Variants in TPST2 observed in about 807,000 individuals in gnomAD.
The protein encoded by TPST2 is protein-tyrosine sulfotransferase 2.
In TPST2, 16 loss-of-function variants were observed where a neutral mutation model predicts 27.8. That is an observed-to-expected ratio of 0.58 (90% CI 0.39 to 0.88). The LOEUF is 0.88. Among genes scored for constraint, TPST2 ranks in the 40% least tolerant of loss-of-function variants. TPST2 has a pLI of 0.00. For synonymous variants in TPST2, 229 were observed against 231.7 expected, an observed-to-expected ratio of 0.99 and a Z score of 0.10; for missense variants, 464 against 543.1, an observed-to-expected ratio of 0.85 and a Z score of 1.45.
At position 26,541,331 on chromosome 22, in the gene TPST2, G is replaced by C; in HGVS notation, c.300C>G (p.Thr100=). The C allele has an allele frequency of 6.5e-7, 1 of 1,548,066 alleles. No individual in the cohort carries two copies. Among genetic ancestry groups the C allele is most frequent in the African/African-American group, 1.4e-5 (1 of 73,532 alleles). The part of the protein sequence containing the change: ...AHPEVRCGEE[T]RIIPRVLAMR... ...TGGCCAGCACGCGCGGGATGATGCG[G>C]GTCTCCTCGCCGCAGCGCACCTCGG... Residue 100 remains threonine (T), a synonymous_variant, in exon 3 of 7, where the codon ACC becomes ACG. Coordinates refer to ENST00000338754, the MANE Select transcript of TPST2 (RefSeq NM_003595.5). The surrounding 1 kb of genome is among the most constrained non-coding windows in gnomAD (Gnocchi z 5.9).
At chr22:26,558,378 T>C (rs554055182) in intron 1 of TPST2, among the ~76,000 whole-genome samples, 1 of 152,192 alleles carries the variant, frequency 6.6e-6, no homozygotes, top group East Asian at 1.9e-4. Flanking sequence ...TGACCTTAAG[T>C]GATCTGCCTG....
At chr22:26,533,332 A>G (rs1925270641) in intron 4 of TPST2, among the ~76,000 whole-genome samples, 1 of 152,018 alleles carries the variant, frequency 6.6e-6, no homozygotes, top group Non-Finnish European at 1.5e-5. Context: ...CAGCTGGAGG[A>G]TTGGTTGAGC....
In TPST2 at chr22:26,541,683, A is replaced by G; in HGVS notation, c.-53T>C. 1 of 1,501,738 alleles carries G rather than the reference A, an allele frequency of 6.7e-7. No individual in the cohort carries two copies. Among genetic ancestry groups the G allele is most frequent in the Non-Finnish European group, 8.8e-7 (1 of 1,132,232 alleles). The allele number at this position is 1,501,738 out of a possible 1,614,324, so 93.0% of individuals were successfully genotyped here. On this transcript the variant is annotated 5_prime_UTR_variant, in exon 3 of 7. An upstream open reading frame in the 5' UTR loses its in-frame stop. Transcript: ENST00000338754. This position sits in a 1 kb window ranked among gnomAD's most constrained non-coding sequence, Gnocchi z 5.9. ...CCTGAGGGCCCGCTTCTGGGGCTTC[A>G]GCGACAGGTTAGCGGGCAGCCCGCC...
intron 5 of TPST2, among the ~76,000 whole-genome samples, chr22:26,528,618 T>A (rs1023491124): frequency 6.6e-6 from 1 of 152,162 alleles, no homozygotes; most frequent in African/African-American, 2.4e-5. Context: ...TGTGGTATAA[T>A]AATAAATATT....
rs371951986 is a variant in TPST2, at chr22:26,570,347, C to T, written c.-161+19706G>A. Among the ~76,000 whole-genome samples, 86 of 152,262 alleles carry T rather than the reference C, an allele frequency of 5.6e-4. No individual in the cohort carries two copies. In the South Asian group the frequency reaches 0.018, roughly 32 times the overall value. On this transcript the variant is annotated intron_variant, in intron 1 of 6. Transcript: ENST00000338754. ...TGATCATGCCACCCACACCCCGGCT[C>T]CTGGCATGGACACCTCCCAGACCCA...
At chr22:26,554,461 T>A (rs1926671871) in intron 1 of TPST2, among the ~76,000 whole-genome samples, 1 of 152,000 alleles carries the variant, frequency 6.6e-6, no homozygotes, top group Admixed American at 6.6e-5. Context: ...TGGGATCCCG[T>A]CTCTACTCCT....
At chr22:26,575,945 G>A (rs1018217026) in intron 1 of TPST2, among the ~76,000 whole-genome samples, 2 of 152,002 alleles carry the variant, frequency 1.3e-5, no homozygotes, top group East Asian at 1.9e-4. Flanking sequence ...GCAGTGAGCC[G>A]AGATCGTGCC....
intron 1 of TPST2, among the ~76,000 whole-genome samples, chr22:26,566,844 C>T (rs568556149): frequency 6.6e-6 from 1 of 152,322 alleles, no homozygotes; most frequent in South Asian, 2.1e-4. Flanking sequence ...TTCCCCCGCT[C>T]ATATCGTATT....
Position 26,535,339 on chromosome 22 carries a change from G to C in TPST2, c.1041+949C>G, listed in dbSNP as rs4149477. On this transcript the variant is annotated intron_variant, in intron 4 of 6. Coordinates refer to ENST00000338754, the MANE Select transcript of TPST2 (RefSeq NM_003595.5). ...CTGTGAAAGCTCTTCCTCAGGCCTG[G>C]GTCCCATTTTCAAATATTTGCCTAT... 0.013 allele frequency among the ~76,000 whole-genome samples: 2,016 copies of C among 152,246 alleles called. 105 individuals are homozygous for C. The East Asian group carries it at 0.15, about 12-fold the overall frequency.
rs773308366 is a variant in TPST2, at chr22:26,541,626, C to T, written c.5G>A (p.Arg2His). ...CAGCAGCACCCTCCGCACCGACAGG[C>T]GCATGCTGGGCCGGAGGCAGGGTAG... M[R>H]LSVRRVLLAA... The change falls in exon 3 of 7, where the codon CGC becomes CAC. Residue 2 changes from arginine (R) to histidine (H), a missense_variant. Transcript: ENST00000338754. The surrounding 1 kb of genome is among the most constrained non-coding windows in gnomAD (Gnocchi z 5.9). 25 of 1,572,322 alleles carry T rather than the reference C, an allele frequency of 1.6e-5. No individual in the cohort carries two copies. Among genetic ancestry groups the T allele is most frequent in the Non-Finnish European group, 1.8e-5 (21 of 1,164,706 alleles).
At chr22:26,567,606 C>T (rs545829865) in intron 1 of TPST2, among the ~76,000 whole-genome samples, 2 of 152,250 alleles carry the variant, frequency 1.3e-5, no homozygotes, top group South Asian at 2.1e-4. Context: ...TTAAAATTCC[C>T]GGTTCCTCCT....
rs1470803383 is a variant in TPST2 at position 26,541,177 on chromosome 22, C to A, written c.454G>T (p.Ala152Ser). ...GGGTCCTTGTTGCAGAGCACGCGGGCCGGCTCTCCGTGCTTGGCAATCACC... is the reference window on the plus strand; with the variant it reads ...GGGTCCTTGTTGCAGAGCACGCGGGACGGCTCTCCGTGCTTGGCAATCACC... The part of the protein sequence containing the change: ...LEVIAKHGEP[A>S]RVLCNKDPFT... The change falls in exon 3 of 7, where the codon GCC (alanine) becomes TCC (serine). Residue 152 changes from alanine to serine, a missense_variant. Coordinates refer to ENST00000338754, the MANE Select transcript of TPST2 (RefSeq NM_003595.5). This position sits in a 1 kb window ranked among gnomAD's most constrained non-coding sequence, Gnocchi z 5.9. 3.8e-6 allele frequency: 6 copies of A among 1,597,382 alleles called. No homozygotes were observed. Among genetic ancestry groups the A allele is most frequent in the Admixed American group, 1.7e-5 (1 of 59,160 alleles).
intron 1 of TPST2, among the ~76,000 whole-genome samples, chr22:26,554,973 AG>A (rs1016010548): frequency 3.2e-4 from 48 of 152,138 alleles, no homozygotes; most frequent in African/African-American, 1.1e-3. Flanking sequence ...CTCAGAACAG[AG>A]CTTTGTTACT....
intron 1 of TPST2, among the ~76,000 whole-genome samples, chr22:26,570,025 A>AAGACAGACAGAC (rs1569193887): frequency 1.6e-5 from 2 of 125,900 alleles, no homozygotes; most frequent in African/African-American, 6.8e-5. Context: ...GAAAGAAAGA[A>AAGACAGACAGAC]AGAAAGAAAG....
intron 2 of TPST2, among the ~76,000 whole-genome samples, chr22:26,544,138 C>T (rs896692727): frequency 5.3e-5 from 8 of 152,238 alleles, no homozygotes; most frequent in African/African-American, 1.9e-4. Context: ...GGTATCACTT[C>T]TCTGAGCTTC....
intron 5 of TPST2, among the ~76,000 whole-genome samples, chr22:26,528,981 C>CA (rs1452471757): frequency 7.4e-6 from 1 of 135,760 alleles, no homozygotes; most frequent in Non-Finnish European, 1.6e-5. Context: ...GACTAGGTAT[C>CA]AAAAAAACAA....
intron 5 of TPST2, among the ~76,000 whole-genome samples, chr22:26,530,555 C>G (rs2147173533): frequency 6.7e-6 from 1 of 148,494 alleles, no homozygotes; most frequent in East Asian, 2.0e-4. Context: ...ATGCTTGAAC[C>G]CGGGAGGTGG....
chr22:26,560,905 A>C lies in TPST2; in HGVS notation c.-160-16230T>G, dbSNP rs1927053788. 3.1e-6 allele frequency: 5 copies of C among 1,605,326 alleles called. No homozygotes were observed. In the African/African-American group the frequency reaches 4.0e-5, roughly 13 times the overall value. On this transcript the variant is annotated intron_variant, in intron 1 of 6. Transcript: ENST00000338754. Reference sequence around the variant, plus strand: ...GGCCTGTCCATTGGTGATGTTGCGAAGAAACTGGGAGAGATGTGGAATAAC... The same window carrying C: ...GGCCTGTCCATTGGTGATGTTGCGACGAAACTGGGAGAGATGTGGAATAAC...
intron 1 of TPST2, among the ~76,000 whole-genome samples, chr22:26,554,687 C>A (rs1165958765): frequency 6.6e-6 from 1 of 152,192 alleles, no homozygotes; most frequent in African/African-American, 2.4e-5. Context: ...CCTGTAATCC[C>A]AGCACTTTGG....
Sources: gnomAD v4.1 joint callset for allele counts (sites outside exome capture counted in the v4.1 genomes callset) on GRCh38, gnomAD v4.1.1 for gene constraint, Gnocchi (gnomAD v3.1) non-coding constraint, MANE v1.5 for transcripts, NCBI Gene and HGNC (gene_info 2026-07-23, HGNC 2026-07-21) for gene names.